Variants in ANKRD31 observed in about 807,000 individuals in gnomAD.
The protein encoded by ANKRD31 is ankyrin repeat domain 31, also known as ankyrin repeat domain-containing protein 31.
Under a neutral mutation model 186.0 loss-of-function variants are expected in ANKRD31, and 147 were observed. The ratio of observed to expected loss-of-function variants is 0.79; its 90% CI spans 0.69 to 0.91. The LOEUF (loss-of-function observed/expected upper bound fraction) is 0.91, where lower values mean the gene tolerates loss of function less well. Among genes scored for constraint, ANKRD31 ranks in the 40% least tolerant of loss-of-function variants. ANKRD31 has a pLI of 0.00. For synonymous variants in ANKRD31, 673 were observed against 736.4 expected, an observed-to-expected ratio of 0.91 and a Z score of 1.39; for missense variants, 1,986 against 2,148.8, an observed-to-expected ratio of 0.92 and a Z score of 1.50.
At chr5:75,203,455 C>G (rs745820005) in intron 5 of ANKRD31, among the ~76,000 whole-genome samples, 1 of 151,744 alleles carries the variant, frequency 6.6e-6, no homozygotes, top group African/African-American at 2.4e-5. Context: ...CATGAGGTCA[C>G]GAGTTTAAGA....
chr5:75,150,514 T>G (rs1277381784), intron 12 of ANKRD31, among the ~76,000 whole-genome samples: 1 of 151,984 alleles, frequency 6.6e-6, no homozygotes, highest in Non-Finnish European at 1.5e-5. Context: ...AGTTTAAACT[T>G]AAGAAATATT....
chr5:75,195,799 A>G lies in ANKRD31; in HGVS notation c.849T>C (p.Asp283=), dbSNP rs1755423509. 1 of 1,537,406 alleles carries G rather than the reference A, an allele frequency of 6.5e-7. No homozygotes were observed. The highest frequency in any genetic ancestry group is 2.4e-5 in the East Asian group (1 of 40,908). Residue 283 remains aspartate (D), a synonymous_variant, in exon 7 of 26, where the codon GAT becomes GAC. Transcript: ENST00000506364. Reference sequence around the variant, plus strand: ...CTTCCAATAACTCAGCTGGCAATGCATCATCTTTTGCATCTTCTAGTAAAT... The same window carrying G: ...CTTCCAATAACTCAGCTGGCAATGCGTCATCTTTTGCATCTTCTAGTAAAT... ...HRDLLEDAKD[D]ALPAELLEAL...
At position 75,210,878 on chromosome 5, in the gene ANKRD31, A is replaced by C. The variant is rs1756587353; in HGVS notation, c.289-13T>G. 6.6e-7 allele frequency: 1 copy of C among 1,506,190 alleles called. No individual in the cohort carries two copies. The highest frequency in any genetic ancestry group is 8.8e-7 in the Non-Finnish European group (1 of 1,136,824). The allele number at this position is 1,506,190 out of a possible 1,614,324, so 93.3% of individuals were successfully genotyped here. ...TTTCATCTTGAGACTGCTAGGAAAA[A>C]AAAAAGTTTTTTCCAACTGATAAGT... On this transcript the variant is annotated splice_polypyrimidine_tract_variant and intron_variant, in intron 3 of 25. Transcript: ENST00000506364.
chr5:75,090,966 G>A (rs898232690), intron 23 of ANKRD31, among the ~76,000 whole-genome samples: 1 of 152,190 alleles, frequency 6.6e-6, no homozygotes, highest in Admixed American at 6.5e-5. Context: ...CAAATGGGAA[G>A]ATTAAAGGCA....
intron 3 of ANKRD31, 54 bp from the exon 4 acceptor site, chr5:75,210,919 C>A: frequency 5.0e-6 from 6 of 1,209,712 alleles, no homozygotes; most frequent in South Asian, 1.5e-5. Context: ...TTCAATGCAA[C>A]AAGCTAAAAA....
intron 11 of ANKRD31, among the ~76,000 whole-genome samples, chr5:75,166,805 A>G (rs1468809630): frequency 2.6e-5 from 4 of 152,194 alleles, no homozygotes; most frequent in African/African-American, 4.8e-5. Context: ...ATGTCTTCCA[A>G]CCATATATTT....
At chr5:75,207,523 A>G (rs1437830379) in intron 4 of ANKRD31, among the ~76,000 whole-genome samples, 1 of 152,162 alleles carries the variant, frequency 6.6e-6, no homozygotes, top group Non-Finnish European at 1.5e-5. Context: ...GTAGAGGAAT[A>G]ATTAAATGAA....
intron 19 of ANKRD31, among the ~76,000 whole-genome samples, chr5:75,113,448 G>A (rs1747940237): frequency 6.6e-6 from 1 of 152,080 alleles, no homozygotes; most frequent in Non-Finnish European, 1.5e-5. Context: ...ATAATGTCTT[G>A]TACATTATAT....
intron 4 of ANKRD31, among the ~76,000 whole-genome samples, chr5:75,208,271 T>C (rs1365397119): frequency 2.0e-5 from 3 of 152,094 alleles, no homozygotes; most frequent in Non-Finnish European, 4.4e-5. Flanking sequence ...TTAATAGCCT[T>C]TTTGGATAAT....
intron 20 of ANKRD31, among the ~76,000 whole-genome samples, chr5:75,110,154 G>A (rs1747654738): frequency 6.6e-6 from 1 of 152,094 alleles, no homozygotes; most frequent in East Asian, 1.9e-4. Context: ...AAAAACCTGG[G>A]GGTGGTGGGG....
chr5:75,180,452 C>T (rs1754196021), intron 10 of ANKRD31, among the ~76,000 whole-genome samples: 1 of 152,114 alleles, frequency 6.6e-6, no homozygotes, highest in African/African-American at 2.4e-5. Flanking sequence ...AAGAACAAAG[C>T]TGGAGGCATC....
intron 10 of ANKRD31, among the ~76,000 whole-genome samples, chr5:75,175,579 CT>C (rs1753722363): frequency 6.6e-6 from 1 of 151,816 alleles, no homozygotes; most frequent in Non-Finnish European, 1.5e-5. Flanking sequence ...GATAGTGTAT[CT>C]GTCAACATTC....
chr5:75,121,254 T>G (rs996607843), intron 17 of ANKRD31, among the ~76,000 whole-genome samples: 7 of 150,514 alleles, frequency 4.7e-5, no homozygotes, highest in African/African-American at 1.5e-4. Context: ...CAACAAAAGG[T>G]TATAATAATA....
intron 2 of ANKRD31, chr5:75,225,482 TC>T: frequency 5.2e-6 from 1 of 193,854 alleles, no homozygotes; most frequent in Non-Finnish European, 1.1e-5. Flanking sequence ...GGCAGGATGG[TC>T]ATACAGTACA....
intron 5 of ANKRD31, among the ~76,000 whole-genome samples, chr5:75,200,532 A>C (rs1276677330): frequency 1.3e-5 from 2 of 149,446 alleles, no homozygotes; most frequent in Non-Finnish European, 3.0e-5. Context: ...CCCTGACTTC[A>C]AGTGATCCAC....
rs1245313845 is a variant in ANKRD31 at position 75,104,666 on chromosome 5, T to C, written c.4893A>G (p.Glu1631=). ...DLTEATDKDH[E]FYVSSPVIGK... ...CGATTACTGGGGAAGAAACATAGAA[T>C]TCATGGTCTTTGTCTGTAGCTTCTG... The change falls in exon 22 of 26, where the codon GAA becomes GAG. Residue 1631 remains glutamate (E), a synonymous_variant. Coordinates refer to ENST00000506364, the MANE Select transcript of ANKRD31 (RefSeq NM_001372053.1). 2 of 1,535,938 alleles carry C rather than the reference T, an allele frequency of 1.3e-6. No homozygotes were observed. Among genetic ancestry groups the C allele is most frequent in the East Asian group, 4.9e-5 (2 of 40,888 alleles).
At chr5:75,158,469 T>G (rs1225220093) in intron 11 of ANKRD31, among the ~76,000 whole-genome samples, 1 of 152,154 alleles carries the variant, frequency 6.6e-6, no homozygotes, top group Non-Finnish European at 1.5e-5. Flanking sequence ...AGAGTTGCTA[T>G]AATACATTAT....
chr5:75,223,546 A>G (rs1757430662), intron 2 of ANKRD31, among the ~76,000 whole-genome samples: 3 of 152,216 alleles, frequency 2.0e-5, no homozygotes, highest in African/African-American at 7.2e-5. Context: ...AAAATATGCA[A>G]AGAAATTACT....
chr5:75,103,542 A>G (rs1747082748), intron 22 of ANKRD31, among the ~76,000 whole-genome samples: 1 of 152,242 alleles, frequency 6.6e-6, no homozygotes. Context: ...ACAAAGATAC[A>G]TGCACATGTA....
Sources: allele counts gnomAD v4.1 joint callset (sites outside exome capture counted in the v4.1 genomes callset), GRCh38; gene constraint gnomAD v4.1.1; transcripts MANE v1.5; gene names NCBI Gene and HGNC (gene_info 2026-07-23, HGNC 2026-07-21).